NXN: variants seen among roughly 807,000 people sequenced by gnomAD.
NXN encodes nucleoredoxin, also known as nucleoredoxin 1.
NXN carries 16 observed loss-of-function variants against 48.6 expected under a neutral mutation model. The ratio of observed to expected loss-of-function variants is 0.33; its 90% CI spans 0.22 to 0.50. The LOEUF (loss-of-function observed/expected upper bound fraction) is 0.50. Among genes scored for constraint, NXN ranks in the 20% least tolerant of loss-of-function variants. The pLI, the probability that NXN is intolerant of heterozygous loss-of-function variation, is 0.98. For missense variants in NXN, 492 were observed against 605.5 expected, an observed-to-expected ratio of 0.81 and a Z score of 1.97; for synonymous variants, 281 against 269.6, an observed-to-expected ratio of 1.04 and a Z score of -0.41.
At chr17:885,323 C>A (rs1227290025) in intron 1 of NXN, among the ~76,000 whole-genome samples, 1 of 151,952 alleles carries the variant, frequency 6.6e-6, no homozygotes, top group Non-Finnish European at 1.5e-5. Flanking sequence ...ACTAAAAATA[C>A]AAAAATTAGC....
intron 1 of NXN, among the ~76,000 whole-genome samples, chr17:865,399 C>T (rs556397250): frequency 3.3e-5 from 5 of 152,090 alleles, no homozygotes; most frequent in South Asian, 2.1e-4. Context: ...TGCACCACCA[C>T]GCCCGGCTGA....
At chr17:867,489 A>G (rs925335105) in intron 1 of NXN, among the ~76,000 whole-genome samples, 1 of 152,248 alleles carries the variant, frequency 6.6e-6, no homozygotes, top group Non-Finnish European at 1.5e-5. Flanking sequence ...CTGTTGTTGA[A>G]GGAGAAGTTC....
At chr17:863,951 G>T (rs892983647) in intron 1 of NXN, 1 of 1,528,394 alleles carries the variant, frequency 6.5e-7, no homozygotes, top group South Asian at 1.2e-5. Flanking sequence ...CAGCAGCAAT[G>T]CCTGGGAACT....
intron 1 of NXN, among the ~76,000 whole-genome samples, chr17:879,711 C>A (rs905468653): frequency 1.3e-5 from 2 of 152,132 alleles, no homozygotes; most frequent in African/African-American, 2.4e-5. Flanking sequence ...TGGGGTTTGG[C>A]GGGCGTCACC....
chr17:877,408 A>G, intron 1 of NXN, among the ~76,000 whole-genome samples: 1 of 152,044 alleles, frequency 6.6e-6, no homozygotes, highest in East Asian at 1.9e-4. Flanking sequence ...AGCCTCCCAA[A>G]GTGCTGGAAT....
At chr17:939,653 A>G (rs2150604390) in intron 1 of NXN, among the ~76,000 whole-genome samples, 1 of 151,928 alleles carries the variant, frequency 6.6e-6, no homozygotes, top group East Asian at 2.0e-4. Flanking sequence ...GCCAGAGATC[A>G]TCTTTTTAAA....
chr17:804,392 C>T (rs1355673534), intron 6 of NXN, among the ~76,000 whole-genome samples: 2 of 150,420 alleles, frequency 1.3e-5, no homozygotes, highest in African/African-American at 2.4e-5. Flanking sequence ...AAGCGATTCT[C>T]GTGCCTCAGC....
intron 1 of NXN, among the ~76,000 whole-genome samples, chr17:941,361 T>C (rs371187398): frequency 9.2e-5 from 13 of 141,472 alleles, no homozygotes; most frequent in Non-Finnish European, 1.1e-4. Flanking sequence ...GGATTTACAG[T>C]GAACAAGATT....
chr17:946,692 G>A (rs144814610), intron 1 of NXN, among the ~76,000 whole-genome samples: 10 of 152,302 alleles, frequency 6.6e-5, no homozygotes, highest in Non-Finnish European at 1.3e-4. Context: ...AAAAGAATCG[G>A]CTCTGGAGGG....
chr17:957,772 G>A (rs1221016237), intron 1 of NXN, among the ~76,000 whole-genome samples: 1 of 152,024 alleles, frequency 6.6e-6, no homozygotes, highest in Non-Finnish European at 1.5e-5. Flanking sequence ...CCTGTTTCCT[G>A]TCCTGTGGCA....
intron 5 of NXN, among the ~76,000 whole-genome samples, chr17:817,775 G>A (rs529916707): frequency 1.8e-4 from 28 of 151,716 alleles, no homozygotes; most frequent in Admixed American, 9.2e-4. Flanking sequence ...CCCTAGGAGT[G>A]CTGAGAACTC....
chr17:845,702 C>G (rs1442754714), intron 1 of NXN, among the ~76,000 whole-genome samples: 1 of 152,258 alleles, frequency 6.6e-6, no homozygotes, highest in Non-Finnish European at 1.5e-5. Context: ...GACCTGGAGA[C>G]ACAGCCTGAG....
chr17:971,076 A>G (rs2069371594), intron 1 of NXN, among the ~76,000 whole-genome samples: 1 of 150,688 alleles, frequency 6.6e-6, no homozygotes. Flanking sequence ...CCTCCTCAGT[A>G]GCTCGGATTA....
At chr17:926,773 C>T (rs1208805494) in intron 1 of NXN, among the ~76,000 whole-genome samples, 3 of 151,570 alleles carry the variant, frequency 2.0e-5, no homozygotes, top group Admixed American at 6.6e-5. Flanking sequence ...AACTCCTGAG[C>T]TCAAGCGATC....
At chr17:817,307 A>T (rs1483478910) in intron 5 of NXN, among the ~76,000 whole-genome samples, 6 of 152,034 alleles carry the variant, frequency 3.9e-5, no homozygotes, top group African/African-American at 2.4e-5. Flanking sequence ...ATTAAATATT[A>T]TTTTTTTTAA....
chr17:974,593 C>T (rs2069435616), intron 1 of NXN, among the ~76,000 whole-genome samples: 3 of 151,766 alleles, frequency 2.0e-5, no homozygotes, highest in South Asian at 2.1e-4. Context: ...GGAAAAGGAA[C>T]GTGTGGTACA....
chr17:813,174 C>G (rs929917309), intron 5 of NXN, among the ~76,000 whole-genome samples: 2 of 152,258 alleles, frequency 1.3e-5, no homozygotes, highest in African/African-American at 4.8e-5. Context: ...AGTTTTGTGA[C>G]GCTACAAAGC....
chr17:805,012 C>G, intron 6 of NXN, 56 bp downstream of exon 6: 1 of 1,513,258 alleles, frequency 6.6e-7, no homozygotes, highest in Non-Finnish European at 9.0e-7. Context: ...CAAGTGAGGC[C>G]CCTCCTGTCC....
intron 1 of NXN, chr17:908,075 A>C (rs754116462): frequency 2.0e-5 from 3 of 152,170 alleles, no homozygotes; most frequent in Non-Finnish European, 2.9e-5. Flanking sequence ...TCCAAGAAAA[A>C]AAGGGTCCCA....
Sources: gnomAD v4.1 joint callset for allele counts (sites outside exome capture counted in the v4.1 genomes callset) on GRCh38, gnomAD v4.1.1 for gene constraint, MANE v1.5 for transcripts, NCBI Gene and HGNC (gene_info 2026-07-23, HGNC 2026-07-21) for gene names.